The following TMEM117 variants were observed in gnomAD, a reference collection of about 807,000 sequenced individuals.
The protein encoded by TMEM117 is transmembrane protein 117.
TMEM117 carries 27 observed loss-of-function variants against 52.4 expected under a neutral mutation model. That is an observed-to-expected ratio of 0.51 (90% confidence interval 0.38 to 0.71). TMEM117 has a LOEUF of 0.71. Among genes scored for constraint, TMEM117 ranks in the 30% least tolerant of loss-of-function variants. The pLI, the probability that TMEM117 is intolerant of heterozygous loss-of-function variation, is 0.00. For missense variants in TMEM117, 556 were observed against 630.5 expected (o/e 0.88, Z 1.26); for synonymous variants, 215 against 206.3 (o/e 1.04, Z -0.36).
At chr12:43,983,687 A>ATG (rs1945799344) in intron 3 of TMEM117, among the ~76,000 whole-genome samples, 2 of 151,338 alleles carry the variant, frequency 1.3e-5, no homozygotes, top group African/African-American at 4.9e-5. Context: ...GGAGGGAATT[A>ATG]ATCTACATTG....
chr12:43,840,789 A>C (rs1943104979), intron 1 of TMEM117, among the ~76,000 whole-genome samples: 1 of 152,230 alleles, frequency 6.6e-6, no homozygotes, highest in East Asian at 1.9e-4. Flanking sequence ...CTGTGGTTAT[A>C]GAAATGAATT....
At chr12:43,858,567 A>C (rs1943437440) in intron 2 of TMEM117, among the ~76,000 whole-genome samples, 1 of 152,038 alleles carries the variant, frequency 6.6e-6, no homozygotes, top group South Asian at 2.1e-4. Context: ...CAGTAACCTC[A>C]TTTTCTTGGC....
chr12:44,357,295 C>A (rs899482341), intron 6 of TMEM117, among the ~76,000 whole-genome samples: 5 of 152,120 alleles, frequency 3.3e-5, no homozygotes, highest in Admixed American at 1.3e-4. Context: ...ATGATCATTT[C>A]TCTATCTTGA....
the TMEM117 span, among the ~76,000 whole-genome samples, chr12:44,396,974 TA>T: frequency 6.6e-6 from 1 of 152,112 alleles, no homozygotes. Flanking sequence ...TCCTTTCAGT[TA>T]AGAGGGAGGC....
intron 3 of TMEM117, among the ~76,000 whole-genome samples, chr12:43,997,174 A>T (rs145721955): frequency 0.013 from 2,023 of 152,296 alleles, 19 homozygotes; most frequent in Non-Finnish European, 0.021. Flanking sequence ...ACTAACATAG[A>T]ACCCAGATAT....
chr12:44,039,284 A>G (rs1432985661), intron 3 of TMEM117, among the ~76,000 whole-genome samples: 3 of 151,880 alleles, frequency 2.0e-5, no homozygotes, highest in African/African-American at 7.2e-5. Flanking sequence ...AATCTGTGAG[A>G]TCTGTTTCTG....
chr12:43,806,064 A>C, the TMEM117 span: 6 of 1,513,302 alleles, frequency 4.0e-6, no homozygotes, highest in South Asian at 3.6e-5. Flanking sequence ...GCGCCCGGGA[A>C]GCAGGAGCGC....
chr12:44,192,794 C>T (rs1281238925), intron 4 of TMEM117, among the ~76,000 whole-genome samples: 1 of 152,148 alleles, frequency 6.6e-6, no homozygotes, highest in African/African-American at 2.4e-5. Context: ...TGACACTGAA[C>T]CAGCTATCAA....
At chr12:43,894,455 T>TA (rs2137486527) in intron 2 of TMEM117, among the ~76,000 whole-genome samples, 1 of 152,240 alleles carries the variant, frequency 6.6e-6, no homozygotes, top group South Asian at 2.1e-4. Context: ...GTTACATAGG[T>TA]AAACATGTGT....
intron 4 of TMEM117, among the ~76,000 whole-genome samples, chr12:44,206,951 A>G (rs1180576583): frequency 6.6e-6 from 1 of 152,108 alleles, no homozygotes; most frequent in African/African-American, 2.4e-5. Flanking sequence ...CTGCACATGT[A>G]CTCCCTGAAC....
intron 3 of TMEM117, among the ~76,000 whole-genome samples, chr12:43,975,234 G>A (rs907925059): frequency 6.6e-6 from 1 of 152,044 alleles, no homozygotes; most frequent in African/African-American, 2.4e-5. Context: ...AAAGGGTATG[G>A]TCAGGAAGAC....
chr12:43,837,294 CTT>C (rs761212563), intron 1 of TMEM117, among the ~76,000 whole-genome samples: 2 of 152,058 alleles, frequency 1.3e-5, no homozygotes, highest in African/African-American at 2.4e-5. Flanking sequence ...ATGTGTTTTT[CTT>C]TGGCATTGTG....
intron 6 of TMEM117, among the ~76,000 whole-genome samples, chr12:44,353,946 A>G (rs1389555563): frequency 2.6e-5 from 4 of 152,156 alleles, no homozygotes; most frequent in East Asian, 1.9e-4. Flanking sequence ...ATGTTCTTCT[A>G]TTTGTTTGTA....
Position 44,143,605 on chromosome 12 carries a change from A to C in TMEM117, c.491A>C (p.Asp164Ala). Residue 164 changes from aspartate to alanine, a missense_variant, in exon 4 of 8, where the codon GAC becomes GCC. Coordinates refer to ENST00000266534, the MANE Select transcript of TMEM117 (RefSeq NM_032256.3). ...KLAAVGTWMG[D>A]FVTAWMVTDM... is the part of the protein sequence containing the mutation. ...GCTGCAGTAGGGACCTGGATGGGGG[A>C]CTTTGTCACAGCTTGGATGGTAAGA... 6.2e-7 allele frequency: 1 copy of C among 1,613,512 alleles called. No homozygotes were observed. The highest frequency in any genetic ancestry group is 8.5e-7 in the Non-Finnish European group (1 of 1,179,774).
Position 44,143,550 on chromosome 12 carries a change from G to A in TMEM117, c.436G>A (p.Gly146Ser). The A allele has an allele frequency of 6.2e-7, 1 of 1,613,740 alleles. No homozygotes were observed. The highest frequency in any genetic ancestry group is 8.5e-7 in the Non-Finnish European group (1 of 1,179,800). The change falls in exon 4 of 8, where the codon GGC becomes AGC. Residue 146 changes from glycine to serine, a missense_variant. Gly to Ser is a moderately conservative substitution (Grantham distance 56, BLOSUM62 0). Around this residue, in one of 3 missense-constraint regions of TMEM117, gnomAD observed 328 missense variants for 371.4 expected, o/e 0.88. Coordinates refer to ENST00000266534, the MANE Select transcript of TMEM117 (RefSeq NM_032256.3). ...MGAYIITDYM[G>S]IRNESFMKLA... is the part of the protein sequence containing the mutation. Reference sequence around the variant, plus strand: ...AGCATATATCATTACAGACTATATGGGCATCCGAAATGAAAGTTTCATGAA... The same window carrying A: ...AGCATATATCATTACAGACTATATGAGCATCCGAAATGAAAGTTTCATGAA...
rs1191860922 is a variant in TMEM117 at position 44,096,891 on chromosome 12, G to T, written c.411-46634G>T. On this transcript the variant is annotated intron_variant, in intron 3 of 7. Coordinates refer to ENST00000266534, the MANE Select transcript of TMEM117 (RefSeq NM_032256.3). ...GATCTAATTCAACTCAAGAGCTTCTGCACAGCAAAAGAAACTACCATCAGA... is the reference window on the plus strand; with the variant it reads ...GATCTAATTCAACTCAAGAGCTTCTTCACAGCAAAAGAAACTACCATCAGA... 5.3e-5 allele frequency among the ~76,000 whole-genome samples: 8 copies of T among 151,390 alleles called. No homozygotes were observed. The East Asian group carries it at 1.5e-3, about 29-fold the overall frequency.
intron 6 of TMEM117, among the ~76,000 whole-genome samples, chr12:44,357,784 A>G (rs761426378): frequency 6.6e-6 from 1 of 152,164 alleles, no homozygotes; most frequent in Non-Finnish European, 1.5e-5. Context: ...AACTAAAAAT[A>G]GAACTACCAT....
At chr12:43,943,176 C>CA (rs10667663) in intron 2 of TMEM117, among the ~76,000 whole-genome samples, 843 of 72,206 alleles carry the variant, frequency 0.012, 67 homozygotes, top group African/African-American at 0.023. Flanking sequence ...GACTCTGTCT[C>CA]AAAAAAAAAA....
At chr12:44,056,331 G>T (rs1947054796) in intron 3 of TMEM117, among the ~76,000 whole-genome samples, 1 of 152,178 alleles carries the variant, frequency 6.6e-6, no homozygotes, top group Admixed American at 6.6e-5. Context: ...ATCAGAGGAT[G>T]AGGGACATTG....
Sources: gnomAD v4.1 joint callset for allele counts (sites outside exome capture counted in the v4.1 genomes callset) on GRCh38, gnomAD v4.1.1 for gene constraint, gnomAD v4.1.1 regional missense constraint, MANE v1.5 for transcripts, NCBI Gene and HGNC (gene_info 2026-07-23, HGNC 2026-07-21) for gene names.